Variants in EIF4G1 observed in about 807,000 individuals in gnomAD.
EIF4G1 encodes the protein EIF4-gamma.
Under a neutral mutation model 187.8 loss-of-function variants are expected in EIF4G1, and 4 were observed. The ratio of observed to expected loss-of-function variants is 0.02; its 90% CI spans 0.01 to 0.05. The LOEUF is 0.05. Among genes scored for constraint, EIF4G1 ranks in the 10% least tolerant of loss-of-function variants. EIF4G1 has a pLI of 1.00. For synonymous variants in EIF4G1, 844 were observed against 781.4 expected (o/e 1.08, Z -1.34); for missense variants, 1,647 against 2,081.1 (o/e 0.79, Z 4.06).
rs377346566 is a variant in EIF4G1, at chr3:184,334,922, C to T, written c.*14C>T. On this transcript the variant is annotated 3_prime_UTR_variant, in exon 33 of 33. Transcript: ENST00000346169. The surrounding 1 kb of genome is among the most constrained non-coding windows in gnomAD (Gnocchi z 5.8). ...GACCACAACTGAGGGCTGGTGGGGC[C>T]GGGGACCTGGAGCCCCATGGACACA... 1.4e-4 allele frequency: 222 copies of T among 1,613,456 alleles called. No individual in the cohort carries two copies. Among genetic ancestry groups the T allele is most frequent in the East Asian group, 1.8e-4 (8 of 44,884 alleles).
In EIF4G1 at chr3:184,325,762, A is replaced by G. The variant is rs775566491; in HGVS notation, c.3122-89A>G. 1.9e-6 allele frequency: 3 copies of G among 1,611,080 alleles called. No individual in the cohort carries two copies. In the South Asian group the frequency reaches 3.3e-5, roughly 18 times the overall value. Reference sequence around the variant, plus strand: ...CTGAGACACCATGATGGAACTGAGGATCTGAGGAAGGGAGGCTGGGGGTGG... The same window carrying G: ...CTGAGACACCATGATGGAACTGAGGGTCTGAGGAAGGGAGGCTGGGGGTGG... On this transcript the variant is annotated intron_variant, in intron 20 of 32. Coordinates refer to ENST00000346169, the MANE Select transcript of EIF4G1 (RefSeq NM_198241.3). The surrounding 1 kb of genome is among the most constrained non-coding windows in gnomAD (Gnocchi z 5.2).
chr3:184,322,235 T>C, intron 10 of EIF4G1, 127 bp from the exon 11 acceptor site: 5 of 1,545,964 alleles, frequency 3.2e-6, no homozygotes, highest in East Asian at 4.6e-5. Flanking sequence ...TAAGGACTTT[T>C]AAGCCTAAAA....
At chr3:184,322,981 C>T (rs571696965) in intron 13 of EIF4G1, 27 bp downstream of exon 13, 34 of 1,614,092 alleles carry the variant, frequency 2.1e-5, no homozygotes, top group African/African-American at 6.7e-5. Flanking sequence ...GGGGAGGGGA[C>T]GATAAGTTTG....
chr3:184,316,310 C>CA, intron 4 of EIF4G1, 92 bp downstream of exon 4: 1 of 1,495,624 alleles, frequency 6.7e-7, no homozygotes, highest in Non-Finnish European at 9.1e-7. Context: ...CTGGAGGCCC[C>CA]ATACCTGGCC....
In EIF4G1 at chr3:184,325,296, A is replaced by T; in HGVS notation, c.2884A>T (p.Met962Leu). The T allele has an allele frequency of 6.2e-7, 1 of 1,614,136 alleles. No homozygotes were observed. Among genetic ancestry groups the T allele is most frequent in the Non-Finnish European group, 8.5e-7 (1 of 1,180,040 alleles). ...KPRMDQYFNQ[M>L]EKIIKEKKTS... Reference sequence around the variant, plus strand: ...CCGAATGGATCAGTATTTCAACCAGATGGAAAAAATCATTAAAGAAAAGAA... The same window carrying T: ...CCGAATGGATCAGTATTTCAACCAGTTGGAAAAAATCATTAAAGAAAAGAA... Residue 962 changes from methionine (M) to leucine (L), a missense_variant, in exon 19 of 33, where the codon ATG becomes TTG. Met to Leu is a conservative substitution (Grantham distance 15, BLOSUM62 2). Transcript: ENST00000346169. This position sits in a 1 kb window ranked among gnomAD's most constrained non-coding sequence, Gnocchi z 5.2.
At position 184,323,635 on chromosome 3, in the gene EIF4G1, C is replaced by A; in HGVS notation, c.2274+42C>A. The A allele has an allele frequency of 1.9e-6, 3 of 1,612,762 alleles. No homozygotes were observed. The highest frequency in any genetic ancestry group is 2.5e-6 in the Non-Finnish European group (3 of 1,179,840). ...CTTTTGGTCTCTCTCCATTTCTTCT[C>A]CAGGTCTGCCATCTGTGCCCTCTTT... On this transcript the variant is annotated intron_variant, in intron 15 of 32. Transcript: ENST00000346169. This position sits in a 1 kb window ranked among gnomAD's most constrained non-coding sequence, Gnocchi z 6.9.
In EIF4G1 at chr3:184,320,534, G is replaced by T. The variant is rs546404271; in HGVS notation, c.538-96G>T. On this transcript the variant is annotated intron_variant, in intron 7 of 32. Transcript: ENST00000346169. ...GCACCTACCTACCTGCTTCCCGCTG[G>T]GGGGTGGGGAGTTGGCCCAGAGTCT... 54 of 1,604,748 alleles carry T rather than the reference G, an allele frequency of 3.4e-5. No individual in the cohort carries two copies. In the African/African-American group the frequency reaches 3.5e-4, roughly 10 times the overall value.
At chr3:184,324,047 C>G in intron 16 of EIF4G1, 70 bp downstream of exon 16, 1 of 1,608,320 alleles carries the variant, frequency 6.2e-7, no homozygotes, top group East Asian at 2.2e-5. Flanking sequence ...TCCTTGAGTC[C>G]AGCTTCTTGG....
chr3:184,315,595 C>G (rs771572989), intron 2 of EIF4G1, 50 bp downstream of exon 2: 1 of 768,354 alleles, frequency 1.3e-6, no homozygotes. Context: ...GGAAGTGATG[C>G]GGGTTTGACA....
intron 4 of EIF4G1, among the ~76,000 whole-genome samples, chr3:184,316,505 C>T (rs1016408507): frequency 2.0e-5 from 3 of 152,118 alleles, no homozygotes; most frequent in Non-Finnish European, 1.5e-5. Context: ...CTCCTTTTAC[C>T]GGAGGCTGCT....
Position 184,325,842 on chromosome 3 carries a change from TTG to T in EIF4G1, c.3122-5_3122-4del. On this transcript the variant is annotated splice_polypyrimidine_tract_variant and splice_region_variant and intron_variant, in intron 20 of 32. Coordinates refer to ENST00000346169, the MANE Select transcript of EIF4G1 (RefSeq NM_198241.3). The surrounding 1 kb of genome is among the most constrained non-coding windows in gnomAD (Gnocchi z 5.2). Reference sequence around the variant, plus strand: ...TCATTATTCCAGTATGCCCCTCTTTTTGTGTCAGGCCGTGGACTTCCCCTTGT... The same window carrying T: ...TCATTATTCCAGTATGCCCCTCTTTTTGTCAGGCCGTGGACTTCCCCTTGT... 6.2e-7 allele frequency: 1 copy of T among 1,614,134 alleles called. No homozygotes were observed. Among genetic ancestry groups the T allele is most frequent in the Non-Finnish European group, 8.5e-7 (1 of 1,180,016 alleles).
intron 28 of EIF4G1, 33 bp downstream of exon 28, chr3:184,329,023 C>A: frequency 1.2e-6 from 2 of 1,612,862 alleles, no homozygotes; most frequent in South Asian, 1.1e-5. Flanking sequence ...GAGATGCCTC[C>A]CACGGTGTGG....
chr3:184,328,802 A>C, intron 27 of EIF4G1, 46 bp downstream of exon 27: 1 of 1,614,120 alleles, frequency 6.2e-7, no homozygotes, highest in African/African-American at 1.3e-5. Flanking sequence ...GACCAGAGGA[A>C]AGGTGGTAGG....
In EIF4G1 at chr3:184,315,475, C is replaced by T. The variant is rs1560204620; in HGVS notation, c.-91-14C>T. The T allele has an allele frequency of 4.8e-6, 3 of 628,654 alleles. No homozygotes were observed. Among genetic ancestry groups the T allele is most frequent in the South Asian group, 1.4e-5 (1 of 72,568 alleles). The allele number at this position is 628,654 out of a possible 1,614,324, so 38.9% of individuals were successfully genotyped here. ...CCGCGGAGCCAGGTTGATACCCTCA[C>T]CTCCCAACCCCAGGCCCTCGGATGC... is the stretch of plus-strand genomic sequence containing the variant. On this transcript the variant is annotated splice_polypyrimidine_tract_variant and intron_variant, in intron 1 of 32. Coordinates refer to ENST00000346169, the MANE Select transcript of EIF4G1 (RefSeq NM_198241.3).
Position 184,323,867 on chromosome 3 carries a change from A to G in EIF4G1, c.2362A>G (p.Ile788Val). 6.2e-7 allele frequency: 1 copy of G among 1,614,222 alleles called. No homozygotes were observed. Among genetic ancestry groups the G allele is most frequent in the Admixed American group, 1.7e-5 (1 of 60,024 alleles). Reference protein sequence around the residue: ...QLMKQVTQLAIDTEERLKGVI... With the variant: ...QLMKQVTQLAVDTEERLKGVI... ...GATGAAGCAAGTGACGCAGCTGGCC[A>G]TCGACACCGAGGAACGCCTCAAAGG... The change falls in exon 16 of 33, where the codon ATC becomes GTC. Residue 788 changes from isoleucine (I) to valine (V), a missense_variant. This residue lies in a region of EIF4G1 where 36 missense variants were observed against 87.6 expected (regional missense o/e 0.41). Coordinates refer to ENST00000346169, the MANE Select transcript of EIF4G1 (RefSeq NM_198241.3). The surrounding 1 kb of genome is among the most constrained non-coding windows in gnomAD (Gnocchi z 6.9).
chr3:184,315,653 C>A, intron 2 of EIF4G1, 108 bp downstream of exon 2: 1 of 820,568 alleles, frequency 1.2e-6, no homozygotes, highest in Non-Finnish European at 2.1e-6. Context: ...ACCCTCTTGG[C>A]ATCTCTGGGA....
At position 184,323,881 on chromosome 3, in the gene EIF4G1, A is replaced by G. The variant is rs1435039182; in HGVS notation, c.2376A>G (p.Glu792=). ...CGCAGCTGGCCATCGACACCGAGGAACGCCTCAAAGGGGTCATTGACCTCA... is the reference window on the plus strand; with the variant it reads ...CGCAGCTGGCCATCGACACCGAGGAGCGCCTCAAAGGGGTCATTGACCTCA... ...QVTQLAIDTE[E]RLKGVIDLIF... is the part of the protein sequence containing the mutation. The change falls in exon 16 of 33, where the codon GAA becomes GAG. Residue 792 remains glutamate (E), a synonymous_variant. Transcript: ENST00000346169. This position sits in a 1 kb window ranked among gnomAD's most constrained non-coding sequence, Gnocchi z 6.9. 6.2e-7 allele frequency: 1 copy of G among 1,614,204 alleles called. No individual in the cohort carries two copies. Among genetic ancestry groups the G allele is most frequent in the Non-Finnish European group, 8.5e-7 (1 of 1,180,030 alleles).
At position 184,323,334 on chromosome 3, in the gene EIF4G1, G is replaced by A. The variant is rs538603715; in HGVS notation, c.2089-74G>A. 553 of 1,611,394 alleles carry A rather than the reference G, an allele frequency of 3.4e-4. No individual in the cohort carries two copies. Among genetic ancestry groups the A allele is most frequent in the Non-Finnish European group, 3.6e-4 (430 of 1,178,106 alleles). On this transcript the variant is annotated intron_variant, in intron 14 of 32. Coordinates refer to ENST00000346169, the MANE Select transcript of EIF4G1 (RefSeq NM_198241.3). The surrounding 1 kb of genome is among the most constrained non-coding windows in gnomAD (Gnocchi z 6.9). ...CCGCGGGGAGGGGTTTGCCCTGGAG[G>A]CGTGTAGTAGTGGTGTCACATATTG... is the stretch of plus-strand genomic sequence containing the variant.
chr3:184,334,606 C>A lies in EIF4G1; in HGVS notation c.4619-121C>A. The stretch of plus-strand genomic sequence containing the variant: ...AGAGGCCTAGTCACTCTGGAATGGC[C>A]ACAAATGTCAGGCTGGTGCATCAGG... On this transcript the variant is annotated intron_variant, in intron 32 of 32. Coordinates refer to ENST00000346169, the MANE Select transcript of EIF4G1 (RefSeq NM_198241.3). The surrounding 1 kb of genome is among the most constrained non-coding windows in gnomAD (Gnocchi z 5.8). The A allele has an allele frequency of 8.3e-7, 1 of 1,207,698 alleles. No individual in the cohort carries two copies. Among genetic ancestry groups the A allele is most frequent in the Non-Finnish European group, 1.2e-6 (1 of 829,990 alleles). The allele number at this position is 1,207,698 out of a possible 1,614,324, so 74.8% of individuals were successfully genotyped here.
Sources: allele counts gnomAD v4.1 joint callset (sites outside exome capture counted in the v4.1 genomes callset), GRCh38; gene constraint gnomAD v4.1.1; regional missense constraint gnomAD v4.1.1; non-coding constraint Gnocchi (gnomAD v3.1); transcripts MANE v1.5; gene names NCBI Gene and HGNC (gene_info 2026-07-23, HGNC 2026-07-21).